The following WDTC1 variants were observed in gnomAD, a reference collection of about 807,000 sequenced individuals.
WDTC1 encodes the protein WD and tetratricopeptide repeats 1.
WDTC1 carries 12 observed loss-of-function variants against 76.0 expected under a neutral mutation model. The ratio of observed to expected loss-of-function variants is 0.16; its 90% CI spans 0.10 to 0.26. The LOEUF is 0.26. Ranked by LOEUF, WDTC1 falls within the 10% of genes least tolerant of loss-of-function variation. The probability of loss-of-function intolerance (pLI) is 1.00; values close to 1 mark genes in which losing one functional copy is unlikely to be tolerated. For synonymous variants in WDTC1, 326 were observed against 350.8 expected (o/e 0.93, Z 0.79); for missense variants, 511 against 908.8 (o/e 0.56, Z 5.63).
intron 13 of WDTC1, among the ~76,000 whole-genome samples, chr1:27,302,434 A>G (rs1476482255): frequency 6.6e-6 from 1 of 152,122 alleles, no homozygotes; most frequent in African/African-American, 2.4e-5. Flanking sequence ...CATTAACTAG[A>G]TACAAAATAT....
At chr1:27,239,127 C>A (rs968584454) in intron 1 of WDTC1, among the ~76,000 whole-genome samples, 1 of 146,278 alleles carries the variant, frequency 6.8e-6, no homozygotes. Flanking sequence ...TGGTCTCAAA[C>A]TCCTGGGCTC....
chr1:27,308,339 A>G lies in WDTC1; in HGVS notation c.*1956A>G, dbSNP rs1411215948. 6.6e-6 allele frequency: 1 copy of G among 152,116 alleles called. No individual in the cohort carries two copies. The highest frequency in any genetic ancestry group is 1.9e-4 in the East Asian group (1 of 5,184). 9.4% of individuals were successfully genotyped at this position (152,116 alleles called of 1,614,324 possible). A position where few individuals can be genotyped will look rare whatever the true frequency, so the allele number is the denominator to read the frequency against. Reference sequence around the variant, plus strand: ...TCTGTAGCTCTATGACTTAGTAACCACACCTCTACTGGACAGAATGAGGCC... The same window carrying G: ...TCTGTAGCTCTATGACTTAGTAACCGCACCTCTACTGGACAGAATGAGGCC... On this transcript the variant is annotated 3_prime_UTR_variant, in exon 16 of 16. Transcript: ENST00000319394.
chr1:27,264,845 C>CTGGA (rs2012609756), intron 3 of WDTC1, among the ~76,000 whole-genome samples: 1 of 151,972 alleles, frequency 6.6e-6, no homozygotes, highest in African/African-American at 2.4e-5. Flanking sequence ...CATTGTTGCC[C>CTGGA]AGGCTGGAAT....
At chr1:27,254,113 CAAA>C (rs199608954) in intron 1 of WDTC1, among the ~76,000 whole-genome samples, 1 of 150,508 alleles carries the variant, frequency 6.6e-6, no homozygotes, top group Non-Finnish European at 1.5e-5. Context: ...AAAACAAAAA[CAAA>C]AAAAAGAAAA....
rs1029696326 is a variant in WDTC1, at chr1:27,304,989, C to T, written c.1644-12C>T. The T allele has an allele frequency of 6.2e-6, 10 of 1,603,278 alleles. No homozygotes were observed. The highest frequency in any genetic ancestry group is 1.3e-5 in the African/African-American group (1 of 74,650). ...CCCCACCTGACCTCCCTGCCCTTTG[C>T]CCCCCCGCCAGCAACGCTCAGTATA... On this transcript the variant is annotated splice_polypyrimidine_tract_variant and intron_variant, in intron 14 of 15. Transcript: ENST00000319394.
At chr1:27,295,510 A>G (rs1410195540) in intron 9 of WDTC1, among the ~76,000 whole-genome samples, 2 of 151,576 alleles carry the variant, frequency 1.3e-5, no homozygotes, top group African/African-American at 2.4e-5. Context: ...CTGGAGGGCA[A>G]TGGTGCGATC....
At chr1:27,279,500 G>A (rs1261097578) in intron 3 of WDTC1, among the ~76,000 whole-genome samples, 1 of 152,144 alleles carries the variant, frequency 6.6e-6, no homozygotes, top group Non-Finnish European at 1.5e-5. Flanking sequence ...TGACTTTTAG[G>A]AGGATTTTTC....
chr1:27,298,574 C>A (rs946033971), intron 12 of WDTC1, among the ~76,000 whole-genome samples: 9 of 152,150 alleles, frequency 5.9e-5, no homozygotes, highest in African/African-American at 1.9e-4. Flanking sequence ...GTTCTTAGAC[C>A]CTTTGGACTG....
In WDTC1 at chr1:27,292,276, T is replaced by G. The variant is rs1415054488; in HGVS notation, c.541T>G (p.Cys181Gly). The part of the protein sequence containing the change: ...SEVLIDLTEY[C>G]GQLVEAKCLT... ...GGTGCTGATTGACCTGACAGAGTAC[T>G]GTGGCCAGCTGGTGGAGGCCAAGTG... The change falls in exon 7 of 16, where the codon TGT becomes GGT. Residue 181 changes from cysteine to glycine, a missense_variant. Coordinates refer to ENST00000319394, the MANE Select transcript of WDTC1 (RefSeq NM_001276252.2). 6.2e-7 allele frequency: 1 copy of G among 1,613,160 alleles called. No homozygotes were observed. The highest frequency in any genetic ancestry group is 1.7e-5 in the Admixed American group (1 of 59,864).
At chr1:27,270,249 T>C (rs1451451873) in intron 3 of WDTC1, among the ~76,000 whole-genome samples, 1 of 152,128 alleles carries the variant, frequency 6.6e-6, no homozygotes, top group Non-Finnish European at 1.5e-5. Context: ...AAAAAATTAA[T>C]GTTGGCTTCA....
At chr1:27,252,117 G>A (rs188867459) in intron 1 of WDTC1, among the ~76,000 whole-genome samples, 48 of 151,584 alleles carry the variant, frequency 3.2e-4, no homozygotes, top group Admixed American at 2.7e-3. Context: ...AGGCTGAGAC[G>A]AGAGGATTGC....
intron 1 of WDTC1, among the ~76,000 whole-genome samples, chr1:27,245,704 G>A (rs2147907208): frequency 6.6e-6 from 1 of 151,278 alleles, no homozygotes; most frequent in East Asian, 1.9e-4. Context: ...CGAGTAGCTG[G>A]GATTATAGGT....
At chr1:27,269,606 G>GTTTTTTTTTTTTTTGTTTTTTTT (rs56885576) in intron 3 of WDTC1, among the ~76,000 whole-genome samples, 125 of 118,802 alleles carry the variant, frequency 1.1e-3, no homozygotes, top group Middle Eastern at 5.0e-3. Context: ...TTTGTTTTTT[G>GTTTTTTTTTTTTTTGTTTTTTTT]TTTTTTTTTT....
At chr1:27,249,168 C>T (rs1220470509) in intron 1 of WDTC1, among the ~76,000 whole-genome samples, 1 of 151,562 alleles carries the variant, frequency 6.6e-6, no homozygotes, top group East Asian at 1.9e-4. Context: ...ACTCCGGAGG[C>T]TGAGGCATGA....
intron 1 of WDTC1, among the ~76,000 whole-genome samples, chr1:27,239,232 A>G (rs1240554531): frequency 2.1e-5 from 3 of 145,776 alleles, no homozygotes; most frequent in Non-Finnish European, 4.5e-5. Context: ...GTAAAACCTA[A>G]CATGGCTTGG....
At chr1:27,248,838 T>C (rs1296978611) in intron 1 of WDTC1, among the ~76,000 whole-genome samples, 1 of 151,948 alleles carries the variant, frequency 6.6e-6, no homozygotes, top group African/African-American at 2.4e-5. Context: ...TTTAACTTTT[T>C]TTAGAGACAG....
chr1:27,256,673 C>T (rs1427525943), intron 1 of WDTC1, among the ~76,000 whole-genome samples: 1 of 152,092 alleles, frequency 6.6e-6, no homozygotes, highest in Non-Finnish European at 1.5e-5. Flanking sequence ...CTGTCCCTTC[C>T]TGCTAGAATG....
In WDTC1 at chr1:27,298,579, G is replaced by A. The variant is rs191788266; in HGVS notation, c.1232+468G>A. On this transcript the variant is annotated intron_variant, in intron 12 of 15. Coordinates refer to ENST00000319394, the MANE Select transcript of WDTC1 (RefSeq NM_001276252.2). Reference sequence around the variant, plus strand: ...TGCTTTCTGTGTTCTTAGACCCTTTGGACTGAGTACAAACCATATCCCAGA... The same window carrying A: ...TGCTTTCTGTGTTCTTAGACCCTTTAGACTGAGTACAAACCATATCCCAGA... Among the ~76,000 whole-genome samples, 535 of 152,286 alleles carry A rather than the reference G, an allele frequency of 3.5e-3. 6 individuals are homozygous for A. Among genetic ancestry groups the A allele is most frequent in the Non-Finnish European group, 2.4e-3 (163 of 68,024 alleles).
At chr1:27,273,272 G>A (rs1256026209) in intron 3 of WDTC1, among the ~76,000 whole-genome samples, 2 of 132,622 alleles carry the variant, frequency 1.5e-5, no homozygotes, top group South Asian at 2.4e-4. Context: ...GCAGTGGCAC[G>A]ATCTTGGCTC....
Sources: allele counts gnomAD v4.1 joint callset (sites outside exome capture counted in the v4.1 genomes callset), GRCh38; gene constraint gnomAD v4.1.1; transcripts MANE v1.5; gene names NCBI Gene and HGNC (gene_info 2026-07-23, HGNC 2026-07-21).